SHISAL1: variants seen among roughly 807,000 people sequenced by gnomAD.
SHISAL1 encodes shisa like 1, also known as protein shisa-like-1.
In SHISAL1, 9 loss-of-function variants were observed where a neutral mutation model predicts 22.6. That is an observed-to-expected ratio of 0.40 (90% CI 0.24 to 0.70). The LOEUF (loss-of-function observed/expected upper bound fraction) is 0.70. SHISAL1 is among the 30% of genes least tolerant of loss of function. SHISAL1 has a pLI of 0.39. For missense variants in SHISAL1, 246 were observed against 270.6 expected (o/e 0.91, Z 0.64); for synonymous variants, 119 against 115.4 (o/e 1.03, Z -0.20).
At position 44,285,628 on chromosome 22, in the gene SHISAL1, T is replaced by G. The variant is rs371070193; in HGVS notation, c.399A>C (p.Ala133=). The G allele has an allele frequency of 1.5e-4, 242 of 1,614,212 alleles. 1 individual carries two copies. In the South Asian group the frequency reaches 2.5e-3, roughly 17 times the overall value. ...MNYDICKVYL[A]RWGIQGRWMK... is the part of the protein sequence containing the mutation. ...TCCATCGTCCTTGGATGCCCCACCG[T>G]GCCAGGTAGACCTTGCAGATGTCGT... The change falls in exon 4 of 5, where the codon GCA becomes GCC. Residue 133 remains alanine, a synonymous_variant. Transcript: ENST00000381176.
At chr22:44,263,555 G>A (rs1416171139) in intron 4 of SHISAL1, among the ~76,000 whole-genome samples, 1 of 152,218 alleles carries the variant, frequency 6.6e-6, no homozygotes, top group Non-Finnish European at 1.5e-5. Context: ...ACGCGATGGA[G>A]TTGAGGGTTT....
intron 3 of SHISAL1, among the ~76,000 whole-genome samples, chr22:44,291,806 G>A (rs993299770): frequency 3.3e-5 from 5 of 151,664 alleles, no homozygotes; most frequent in South Asian, 4.2e-4. Flanking sequence ...TCCCCTGCAC[G>A]CCCTGGCCCA....
chr22:44,262,683 C>T (rs147058677), intron 4 of SHISAL1, among the ~76,000 whole-genome samples: 54 of 152,340 alleles, frequency 3.5e-4, no homozygotes, highest in Admixed American at 1.6e-3. Flanking sequence ...GGGGCAGTGG[C>T]CTGGGCAGGC....
At chr22:44,269,707 C>T (rs1229176627) in intron 4 of SHISAL1, among the ~76,000 whole-genome samples, 3 of 151,126 alleles carry the variant, frequency 2.0e-5, no homozygotes, top group Non-Finnish European at 3.0e-5. Flanking sequence ...ACACTCACAA[C>T]ACATACACAC....
At position 44,247,324 on chromosome 22, in the gene SHISAL1, G is replaced by T. The variant is rs1409053001; in HGVS notation, c.*2361C>A. 1.3e-5 allele frequency: 2 copies of T among 152,246 alleles called. No homozygotes were observed. The highest frequency in any genetic ancestry group is 2.4e-5 in the African/African-American group (1 of 41,432). 9.4% of individuals were successfully genotyped at this position (152,246 alleles called of 1,614,324 possible). On this transcript the variant is annotated 3_prime_UTR_variant, in exon 5 of 5. Coordinates refer to ENST00000381176, the MANE Select transcript of SHISAL1 (RefSeq NM_001099294.2). Reference sequence around the variant, plus strand: ...AGTGGCAGAGCTGATGTCAGAATCTGGGTCTTGGGCCCCCACCTCAAGGCT... The same window carrying T: ...AGTGGCAGAGCTGATGTCAGAATCTTGGTCTTGGGCCCCCACCTCAAGGCT...
At chr22:44,250,123 G>A (rs2055037370) in intron 4 of SHISAL1, among the ~76,000 whole-genome samples, 1 of 152,168 alleles carries the variant, frequency 6.6e-6, no homozygotes, top group Non-Finnish European at 1.5e-5. Flanking sequence ...GTAATTATAT[G>A]TCATGGCTTG....
chr22:44,302,470 G>A (rs1295111402), intron 1 of SHISAL1, among the ~76,000 whole-genome samples: 1 of 152,236 alleles, frequency 6.6e-6, no homozygotes, highest in Non-Finnish European at 1.5e-5. Flanking sequence ...TCTGGGGAGT[G>A]GTGCCGAGAA....
intron 4 of SHISAL1, among the ~76,000 whole-genome samples, chr22:44,271,012 A>G (rs135416): frequency 0.59 from 89,734 of 152,050 alleles, 26,767 homozygotes; most frequent in Non-Finnish European, 0.62. Context: ...CTCTTTCCCC[A>G]CTCAGAGTGG....
chr22:44,328,073 G>A, the SHISAL1 span, among the ~76,000 whole-genome samples: 1 of 152,172 alleles, frequency 6.6e-6, no homozygotes, highest in Non-Finnish European at 1.5e-5. Flanking sequence ...TAGAGGCAAA[G>A]CATCCCTAAG....
At chr22:44,262,741 A>G (rs945904466) in intron 4 of SHISAL1, among the ~76,000 whole-genome samples, 1 of 152,144 alleles carries the variant, frequency 6.6e-6, no homozygotes, top group Admixed American at 6.5e-5. Context: ...CTGGCGAGAG[A>G]GGAGCTGAGC....
At position 44,299,117 on chromosome 22, in the gene SHISAL1, A is replaced by G. The variant is rs1486984927; in HGVS notation, c.67+1762T>C. ...ACCTAGAGAAAGAGGCTGTGTGTGC[A>G]CTAGGGGCCCTACGAGCACTAGAGG... On this transcript the variant is annotated intron_variant, in intron 2 of 4. Coordinates refer to ENST00000381176, the MANE Select transcript of SHISAL1 (RefSeq NM_001099294.2). Among the ~76,000 whole-genome samples the G allele has an allele frequency of 2.0e-5, 3 of 152,282 alleles. No homozygotes were observed. In the East Asian group the frequency reaches 5.8e-4, roughly 29 times the overall value.
At chr22:44,296,560 C>A in intron 3 of SHISAL1, 112 bp downstream of exon 3, 2 of 875,002 alleles carry the variant, frequency 2.3e-6, no homozygotes, top group Admixed American at 2.0e-5. Context: ...TCCAGGCCCA[C>A]CCAACCTTAT....
intron 4 of SHISAL1, 83 bp from the exon 5 acceptor site, chr22:44,249,768 G>A: frequency 1.3e-6 from 1 of 767,724 alleles, no homozygotes. Context: ...GCCGGAAGAA[G>A]CCAGGTTTTC....
intron 4 of SHISAL1, among the ~76,000 whole-genome samples, chr22:44,277,239 G>A (rs1012642095): frequency 2.6e-5 from 4 of 152,186 alleles, no homozygotes; most frequent in Non-Finnish European, 5.9e-5. Context: ...CATTTGCAGA[G>A]CAGCTGCTCC....
chr22:44,245,916 C>T lies in SHISAL1; in HGVS notation c.*3769G>A, dbSNP rs944572145. 2 of 152,280 alleles carry T rather than the reference C, an allele frequency of 1.3e-5. No individual in the cohort carries two copies. The highest frequency in any genetic ancestry group is 2.4e-5 in the African/African-American group (1 of 41,476). The allele number at this position is 152,280 out of a possible 1,614,324, so 9.4% of individuals were successfully genotyped here. On this transcript the variant is annotated 3_prime_UTR_variant, in exon 5 of 5. Coordinates refer to ENST00000381176, the MANE Select transcript of SHISAL1 (RefSeq NM_001099294.2). ...CCCTGGGAACACTGTCAGCTGCCTA[C>T]TTGCTGCTTTCTAGAGCATTGGAGA... is the stretch of plus-strand genomic sequence containing the variant.
At chr22:44,277,561 A>G (rs1314441621) in intron 4 of SHISAL1, among the ~76,000 whole-genome samples, 1 of 152,092 alleles carries the variant, frequency 6.6e-6, no homozygotes, top group African/African-American at 2.4e-5. Context: ...GCTGGGCCGC[A>G]CCTCCTAGGC....
intron 4 of SHISAL1, among the ~76,000 whole-genome samples, chr22:44,277,066 A>T (rs915765860): frequency 6.6e-6 from 1 of 152,122 alleles, no homozygotes; most frequent in East Asian, 1.9e-4. Context: ...GCGAACTCCT[A>T]TTCATCCACT....
intron 2 of SHISAL1, among the ~76,000 whole-genome samples, chr22:44,298,422 C>T (rs1401005881): frequency 2.0e-5 from 3 of 152,218 alleles, no homozygotes; most frequent in South Asian, 2.1e-4. Context: ...GGGTAGGCCC[C>T]GCCGTCTGTC....
intron 4 of SHISAL1, among the ~76,000 whole-genome samples, chr22:44,259,171 C>T (rs961178472): frequency 5.3e-5 from 8 of 152,278 alleles, no homozygotes; most frequent in African/African-American, 1.2e-4. Flanking sequence ...GGGCCAGGTG[C>T]GGTGGCTCAT....
Sources: gnomAD v4.1 joint callset for allele counts (sites outside exome capture counted in the v4.1 genomes callset) on GRCh38, gnomAD v4.1.1 for gene constraint, MANE v1.5 for transcripts, NCBI Gene and HGNC (gene_info 2026-07-23, HGNC 2026-07-21) for gene names.